The following KLHL20 variants were observed in gnomAD, a reference collection of about 807,000 sequenced individuals.
KLHL20 encodes the protein kelch like family member 20, also known as kelch-like protein 20.
A neutral mutation model predicts 69.5 loss-of-function variants in KLHL20; 29 were observed. The ratio of observed to expected loss-of-function variants is 0.42; its 90% CI spans 0.31 to 0.57. The LOEUF is 0.57. Among genes scored for constraint, KLHL20 ranks in the 20% least tolerant of loss-of-function variants. The pLI is 0.18. For missense variants in KLHL20, 419 were observed against 776.0 expected (o/e 0.54, Z 5.47); for synonymous variants, 253 against 265.2 (o/e 0.95, Z 0.45).
At chr1:173,765,131 CAACA>C (rs59397312) in intron 7 of KLHL20, among the ~76,000 whole-genome samples, 10 of 151,346 alleles carry the variant, frequency 6.6e-5, no homozygotes, top group South Asian at 2.1e-4. Context: ...CAATAAAACC[CAACA>C]AACAAACAAA....
At chr1:173,768,484 C>G (rs1010247192) in intron 8 of KLHL20, among the ~76,000 whole-genome samples, 6 of 152,164 alleles carry the variant, frequency 3.9e-5, no homozygotes, top group African/African-American at 1.4e-4. Flanking sequence ...GAAGGTAACT[C>G]TTGAAAGCTA....
chr1:173,770,706 A>G (rs1433606916), intron 8 of KLHL20, among the ~76,000 whole-genome samples: 3 of 152,122 alleles, frequency 2.0e-5, no homozygotes, highest in African/African-American at 7.2e-5. Context: ...AGAGGAAAAA[A>G]AAAAACAAGA....
Position 173,775,843 on chromosome 1 carries a change from G to T in KLHL20, c.1638+1G>T, listed in dbSNP as rs1428864241. The T allele has an allele frequency of 1.9e-6, 3 of 1,613,940 alleles. No individual in the cohort carries two copies. Among genetic ancestry groups the T allele is most frequent in the Non-Finnish European group, 2.5e-6 (3 of 1,179,928 alleles). On this transcript the variant is annotated splice_donor_variant, in intron 10 of 11. Transcript: ENST00000209884. LOFTEE classifies it high-confidence loss of function. ...GGCCATGACATCACGCCGTAGTGGA[G>T]TAAGTGGTTATGGACACTTAGGTTG...
intron 2 of KLHL20, among the ~76,000 whole-genome samples, chr1:173,722,598 CAG>C (rs1012978552): frequency 2.6e-5 from 4 of 151,298 alleles, no homozygotes; most frequent in African/African-American, 9.7e-5. Flanking sequence ...TCCTCAGTGA[CAG>C]AGCAATACCT....
intron 5 of KLHL20, among the ~76,000 whole-genome samples, chr1:173,753,876 G>A (rs1673419262): frequency 6.6e-6 from 1 of 152,116 alleles, no homozygotes; most frequent in African/African-American, 2.4e-5. Flanking sequence ...ATTTTACTAG[G>A]CTGTCTTTAA....
intron 3 of KLHL20, among the ~76,000 whole-genome samples, chr1:173,736,530 A>G (rs368102967): frequency 2.0e-5 from 3 of 151,958 alleles, no homozygotes; most frequent in Non-Finnish European, 4.4e-5. Context: ...TAGTGGTTGC[A>G]CTAGTCCACA....
chr1:173,723,204 AGCTT>A (rs1671797562), intron 2 of KLHL20, among the ~76,000 whole-genome samples: 1 of 152,244 alleles, frequency 6.6e-6, no homozygotes, highest in Non-Finnish European at 1.5e-5. Context: ...TTAAAAAAGA[AGCTT>A]GATTGTACCA....
chr1:173,762,165 A>G (rs1399643728), intron 7 of KLHL20, among the ~76,000 whole-genome samples: 1 of 152,154 alleles, frequency 6.6e-6, no homozygotes, highest in East Asian at 1.9e-4. Flanking sequence ...CTCCTATCTT[A>G]AATCAGGAAG....
chr1:173,754,903 A>G (rs1439483513), intron 5 of KLHL20, among the ~76,000 whole-genome samples: 1 of 152,206 alleles, frequency 6.6e-6, no homozygotes, highest in Non-Finnish European at 1.5e-5. Context: ...ATGAGTTTAT[A>G]TCTATTAAGC....
intron 8 of KLHL20, among the ~76,000 whole-genome samples, chr1:173,767,749 T>C (rs995521771): frequency 6.6e-6 from 1 of 152,216 alleles, no homozygotes; most frequent in Admixed American, 6.5e-5. Flanking sequence ...TTTCTTGCTG[T>C]TGAATTGTTT....
chr1:173,785,119 A>G (rs1393577950), intron 11 of KLHL20, 44 bp from the exon 12 acceptor site: 2 of 1,492,108 alleles, frequency 1.3e-6, no homozygotes, highest in Non-Finnish European at 1.9e-6. Context: ...TAGTTGTAAC[A>G]TATTTTCCAG....
chr1:173,750,106 A>G (rs1481218191), intron 3 of KLHL20, among the ~76,000 whole-genome samples: 1 of 152,184 alleles, frequency 6.6e-6, no homozygotes, highest in African/African-American at 2.4e-5. Flanking sequence ...TAAATTACCT[A>G]AGCAACCTCA....
chr1:173,779,942 G>A (rs1648750431), intron 10 of KLHL20, among the ~76,000 whole-genome samples: 2 of 152,182 alleles, frequency 1.3e-5, no homozygotes, highest in Admixed American at 1.3e-4. Context: ...TCTGGGCGAA[G>A]TATAGAATTT....
Position 173,733,993 on chromosome 1 carries a change from G to T in KLHL20, c.304G>T (p.Ala102Ser). Residue 102 changes from alanine (A) to serine (S), a missense_variant, in exon 3 of 12, where the codon GCA becomes TCA. Coordinates refer to ENST00000209884, the MANE Select transcript of KLHL20 (RefSeq NM_014458.4). ...YFRAMFTGEL[A>S]ESRQTEVVIR... ...CCGAGCTATGTTTACAGGAGAATTG[G>T]CAGAGAGCCGTCAGACAGAAGTAGT... The T allele has an allele frequency of 1.2e-6, 2 of 1,614,150 alleles. No individual in the cohort carries two copies. The highest frequency in any genetic ancestry group is 1.1e-5 in the South Asian group (1 of 91,078).
intron 8 of KLHL20, among the ~76,000 whole-genome samples, chr1:173,768,591 T>C (rs1342022665): frequency 6.6e-6 from 1 of 152,220 alleles, no homozygotes; most frequent in Admixed American, 6.5e-5. Context: ...AGTTTTTTAA[T>C]ATCTCCAAAT....
chr1:173,737,212 C>T (rs1446851830), intron 3 of KLHL20, among the ~76,000 whole-genome samples: 1 of 152,194 alleles, frequency 6.6e-6, no homozygotes, highest in East Asian at 1.9e-4. Context: ...TTTTGCTGTG[C>T]AGAAGCTTTT....
intron 8 of KLHL20, among the ~76,000 whole-genome samples, chr1:173,773,810 G>A (rs1354229967): frequency 1.3e-5 from 2 of 151,980 alleles, no homozygotes; most frequent in East Asian, 1.9e-4. Context: ...TCAGGAGATC[G>A]AGACCCTCCT....
intron 3 of KLHL20, among the ~76,000 whole-genome samples, chr1:173,741,003 G>A (rs552123737): frequency 6.6e-6 from 1 of 152,288 alleles, no homozygotes; most frequent in Non-Finnish European, 1.5e-5. Flanking sequence ...TTTTCCTACT[G>A]TTGCTTCTAC....
At chr1:173,715,592 G>C in intron 1 of KLHL20, 1 of 156,342 alleles carries the variant, frequency 6.4e-6, no homozygotes, top group East Asian at 1.9e-4. Flanking sequence ...CTGTCACTTC[G>C]GGACAAGTTA....
Sources: gnomAD v4.1 joint callset for allele counts (sites outside exome capture counted in the v4.1 genomes callset) on GRCh38, gnomAD v4.1.1 for gene constraint, MANE v1.5 for transcripts, NCBI Gene and HGNC (gene_info 2026-07-23, HGNC 2026-07-21) for gene names.